Variants in ASIC3 observed in about 807,000 individuals in gnomAD.
ASIC3 encodes the protein acid sensing ion channel subunit 3, also known as acid-sensing ion channel 3.
In ASIC3, 46 loss-of-function variants were observed where a neutral mutation model predicts 58.6. The ratio of observed to expected loss-of-function variants is 0.79; its 90% CI spans 0.62 to 1.00. The LOEUF (loss-of-function observed/expected upper bound fraction) is 1.00. Ranked by LOEUF, ASIC3 falls within the 50% of genes least tolerant of loss-of-function variation. The pLI is 0.00. For synonymous variants in ASIC3, 336 were observed against 300.2 expected (o/e 1.12, Z -1.23); for missense variants, 770 against 735.0 (o/e 1.05, Z -0.55).
rs762479306 is a variant in ASIC3 at position 151,052,488 on chromosome 7, G to A, written c.1517+14G>A. ...CCTGGGCCCCAGGTAACACATAATG[G>A]CCCCCTAAAATCAAGGGAGGGCAGG... On this transcript the variant is annotated intron_variant, in intron 10 of 10. Transcript: ENST00000349064. The surrounding 1 kb of genome is among the most constrained non-coding windows in gnomAD (Gnocchi z 5.0). The A allele has an allele frequency of 1.4e-4, 220 of 1,613,868 alleles. No homozygotes were observed. The highest frequency in any genetic ancestry group is 1.8e-4 in the Non-Finnish European group (214 of 1,179,978).
chr7:151,050,231 A>ATATC lies in ASIC3; in HGVS notation c.663_666dup (p.Pro223SerfsTer8). 1 of 1,613,916 alleles carries ATATC rather than the reference A, an allele frequency of 6.2e-7. No homozygotes were observed. The highest frequency in any genetic ancestry group is 2.2e-5 in the East Asian group (1 of 44,868). On this transcript the variant is annotated frameshift_variant, in exon 2 of 11. Coordinates refer to ENST00000349064, the MANE Select transcript of ASIC3 (RefSeq NM_004769.4). LOFTEE classifies it high-confidence loss of function. ...TCATGCTGGACGTGCAGCAGGAGGAATATCTACCTGTGTGGAGGGACAATG... is the reference window on the plus strand; with the variant it reads ...TCATGCTGGACGTGCAGCAGGAGGAATATCTATCTACCTGTGTGGAGGGACAATG...
chr7:151,051,749 C>G (rs1011512692), intron 6 of ASIC3, 61 bp from the exon 7 acceptor site: 3 of 1,555,406 alleles, frequency 1.9e-6, no homozygotes, highest in Non-Finnish European at 2.6e-6. Context: ...ACAGCTGCTT[C>G]TTGCCAGCAG....
intron 6 of ASIC3, 51 bp from the exon 7 acceptor site, chr7:151,051,759 G>A (rs756627669): frequency 1.3e-6 from 2 of 1,586,708 alleles, no homozygotes; most frequent in African/African-American, 1.3e-5. Context: ...CTTGCCAGCA[G>A]TGGGCACCAG....
chr7:151,048,609 A>C lies in ASIC3; in HGVS notation c.-277A>C. 1 of 444,048 alleles carries C rather than the reference A, an allele frequency of 2.3e-6. No homozygotes were observed. Among genetic ancestry groups the C allele is most frequent in the South Asian group, 6.3e-5 (1 of 15,872 alleles). 27.5% of individuals were successfully genotyped at this position (444,048 alleles called of 1,614,324 possible). ...TGCCTGCCACGGTCAGCTACGTCCC[A>C]CCTGGTCTGCTGCGGAGTCCCCAGC... On this transcript the variant is annotated 5_prime_UTR_variant, in exon 1 of 11. Coordinates refer to ENST00000349064, the MANE Select transcript of ASIC3 (RefSeq NM_004769.4).
Position 151,048,705 on chromosome 7 carries a change from A to T in ASIC3, c.-181A>T, listed in dbSNP as rs1242335652. 2 of 717,510 alleles carry T rather than the reference A, an allele frequency of 2.8e-6. No homozygotes were observed. The highest frequency in any genetic ancestry group is 2.7e-5 in the Admixed American group (1 of 36,884). The allele number at this position is 717,510 out of a possible 1,614,324, so 44.4% of individuals were successfully genotyped here. On this transcript the variant is annotated 5_prime_UTR_variant, in exon 1 of 11. Transcript: ENST00000349064. ...ACAGTGGGACCTGACCGGCCAGATC[A>T]CCTCCTCCAATCCTGCCAGGCTAGT...
upstream of ASIC3, chr7:151,048,399 G>T: frequency 6.2e-6 from 1 of 160,954 alleles, no homozygotes; most frequent in Non-Finnish European, 1.3e-5. Context: ...TTTCCTCCTG[G>T]CGCCTCTCGT....
intron 6 of ASIC3, 37 bp downstream of exon 6, chr7:151,051,356 G>A: frequency 6.9e-7 from 1 of 1,440,638 alleles, no homozygotes; most frequent in Non-Finnish European, 9.0e-7. Flanking sequence ...CTCCGAGCCG[G>A]GGGCTCCCGA....
In ASIC3 at chr7:151,050,528, G is replaced by A. The variant is rs764943608; in HGVS notation, c.733G>A (p.Glu245Lys). 2 of 1,614,018 alleles carry A rather than the reference G, an allele frequency of 1.2e-6. No individual in the cohort carries two copies. Among genetic ancestry groups the A allele is most frequent in the Admixed American group, 1.7e-5 (1 of 60,022 alleles). The change falls in exon 3 of 11, where the codon GAG (glutamate) becomes AAG (lysine). Residue 245 changes from glutamate (E) to lysine (K), a missense_variant. Glu to Lys is a moderately conservative substitution (Grantham distance 56). Transcript: ENST00000349064. ...VGIRVQIHSQEEPPIIDQLGL... is the reference protein window; with the variant it reads ...VGIRVQIHSQKEPPIIDQLGL... ...GATCCGAGTGCAGATCCACAGCCAG[G>A]AGGAGCCGCCCATCATCGATCAGCT...
At position 151,052,503 on chromosome 7, in the gene ASIC3, G is replaced by A; in HGVS notation, c.1517+29G>A. 2 of 1,613,910 alleles carry A rather than the reference G, an allele frequency of 1.2e-6. No individual in the cohort carries two copies. The highest frequency in any genetic ancestry group is 8.5e-7 in the Non-Finnish European group (1 of 1,179,928). On this transcript the variant is annotated intron_variant, in intron 10 of 10. Transcript: ENST00000349064. The surrounding 1 kb of genome is among the most constrained non-coding windows in gnomAD (Gnocchi z 5.0). ...ACACATAATGGCCCCCTAAAATCAA[G>A]GGAGGGCAGGGGCAGGCTCAGGACA...
chr7:151,048,829 G>A lies in ASIC3; in HGVS notation c.-57G>A, dbSNP rs1563315370. 5 of 1,510,402 alleles carry A rather than the reference G, an allele frequency of 3.3e-6. No homozygotes were observed. In the South Asian group the frequency reaches 6.6e-5, roughly 20 times the overall value. The allele number at this position is 1,510,402 out of a possible 1,614,324, so 93.6% of individuals were successfully genotyped here. A position where few individuals can be genotyped will look rare whatever the true frequency, so the allele number is the denominator to read the frequency against. On this transcript the variant is annotated 5_prime_UTR_variant, in exon 1 of 11. Coordinates refer to ENST00000349064, the MANE Select transcript of ASIC3 (RefSeq NM_004769.4). ...TCTTAGCCTCCTTAGCCCCCTGACT[G>A]ACTCTCTCTCGCTTCTTCCAAGCCT...
rs772364969 is a variant in ASIC3 at position 151,049,138 on chromosome 7, A to G, written c.253A>G (p.Ile85Val). The change falls in exon 1 of 11, where the codon ATC becomes GTC. Residue 85 changes from isoleucine (I) to valine (V), a missense_variant. Physicochemically the swap from Ile to Val is conservative, Grantham distance 29 (BLOSUM62 3). Transcript: ENST00000349064. ...ALDERESHRL[I>V]FPAVTLCNIN... The stretch of plus-strand genomic sequence containing the variant: ...GGATGAGCGAGAAAGCCACCGGCTC[A>G]TCTTCCCGGCTGTCACCCTGTGCAA... 6.2e-7 allele frequency: 1 copy of G among 1,613,872 alleles called. No homozygotes were observed. Among genetic ancestry groups the G allele is most frequent in the Non-Finnish European group, 8.5e-7 (1 of 1,179,904 alleles).
rs1796785095 is a variant in ASIC3 at position 151,051,706 on chromosome 7, C to CT, written c.1215-103dup. 3.2e-6 allele frequency: 4 copies of CT among 1,242,606 alleles called. No homozygotes were observed. In the Admixed American group the frequency reaches 7.0e-5, roughly 22 times the overall value. 77.0% of individuals were successfully genotyped at this position (1,242,606 alleles called of 1,614,324 possible). On this transcript the variant is annotated intron_variant, in intron 6 of 10. Coordinates refer to ENST00000349064, the MANE Select transcript of ASIC3 (RefSeq NM_004769.4). ...AGGTGTGAGCCACCGTGCCCGGCCT[C>CT]TCCCAGGGTTCTTGAAAGGAGTGGG...
Position 151,050,385 on chromosome 7 carries a change from C to T in ASIC3, c.686-96C>T, listed in dbSNP as rs1156921384. 2.5e-6 allele frequency: 4 copies of T among 1,572,142 alleles called. No individual in the cohort carries two copies. In the East Asian group the frequency reaches 6.8e-5, roughly 27 times the overall value. The stretch of plus-strand genomic sequence containing the variant: ...GTGAAAGGGGCTGGGCTGGCTCATC[C>T]CAGTCCTGGGGAGAGGGGCTGCAGT... On this transcript the variant is annotated intron_variant, in intron 2 of 10. Transcript: ENST00000349064.
Position 151,050,176 on chromosome 7 carries a change from C to G in ASIC3, c.605C>G (p.Thr202Ser), listed in dbSNP as rs1796733630. The G allele has an allele frequency of 1.2e-6, 2 of 1,614,062 alleles. No individual in the cohort carries two copies. Among genetic ancestry groups the G allele is most frequent in the Non-Finnish European group, 1.7e-6 (2 of 1,179,960 alleles). ...GATGGGGCAGAGCTGCTCACCACTA[C>G]TAGGGGTGGCATGGGCAATGGGCTG... ...GADGAELLTT[T>S]RGGMGNGLDI... The change falls in exon 2 of 11, where the codon ACT becomes AGT. Residue 202 changes from threonine to serine, a missense_variant. Thr to Ser is a moderately conservative substitution (Grantham distance 58, BLOSUM62 1). Coordinates refer to ENST00000349064, the MANE Select transcript of ASIC3 (RefSeq NM_004769.4).
Position 151,052,656 on chromosome 7 carries a change from T to A in ASIC3, c.*4T>A. ...CTACCTTGTCACACAGCTCTAGACC[T>A]GCTGTCTGTGTCCTCGGAGCCCCGC... On this transcript the variant is annotated 3_prime_UTR_variant, in exon 11 of 11. Coordinates refer to ENST00000349064, the MANE Select transcript of ASIC3 (RefSeq NM_004769.4). This position sits in a 1 kb window ranked among gnomAD's most constrained non-coding sequence, Gnocchi z 5.0. The A allele has an allele frequency of 6.2e-7, 1 of 1,613,950 alleles. No homozygotes were observed. The highest frequency in any genetic ancestry group is 1.3e-5 in the African/African-American group (1 of 74,968).
Position 151,051,812 on chromosome 7 carries a change from A to G in ASIC3, c.1217A>G (p.Glu406Gly). The G allele has an allele frequency of 6.2e-7, 1 of 1,613,204 alleles. No homozygotes were observed. Among genetic ancestry groups the G allele is most frequent in the Non-Finnish European group, 8.5e-7 (1 of 1,179,948 alleles). The change falls in exon 7 of 11, where the codon GAG becomes GGG. Residue 406 changes from glutamate to glycine, a missense_variant and splice_region_variant. Physicochemically the swap from Glu to Gly is moderately conservative, Grantham distance 98. Coordinates refer to ENST00000349064, the MANE Select transcript of ASIC3 (RefSeq NM_004769.4). ...KLNRSEAYIA[E>G]NVLALDIFFE... Reference sequence around the variant, plus strand: ...TTTGAGGCCATTCTTGTCCTCAGGGAGAACGTGCTGGCCCTGGACATCTTC... The same window carrying G: ...TTTGAGGCCATTCTTGTCCTCAGGGGGAACGTGCTGGCCCTGGACATCTTC...
rs550734437 is a variant in ASIC3, at chr7:151,048,785, C to T, written c.-101C>T. The T allele has an allele frequency of 2.2e-4, 313 of 1,411,688 alleles. 3 individuals carry two copies. In the South Asian group the frequency reaches 3.9e-3, roughly 18 times the overall value. The allele number at this position is 1,411,688 out of a possible 1,614,324, so 87.4% of individuals were successfully genotyped here. ...CCCACCCTCTCTTCTCCTCTCCTTG[C>T]CTGGCCTCCTGAATCCTATCTTAGC... On this transcript the variant is annotated 5_prime_UTR_variant, in exon 1 of 11. Transcript: ENST00000349064.
Position 151,052,672 on chromosome 7 carries a change from G to A in ASIC3, c.*20G>A, listed in dbSNP as rs767851914. 1.1e-5 allele frequency: 18 copies of A among 1,613,868 alleles called. No individual in the cohort carries two copies. The South Asian group carries it at 1.3e-4, about 12-fold the overall frequency. ...CTCTAGACCTGCTGTCTGTGTCCTC[G>A]GAGCCCCGCCCTGACATCCTGGACA... On this transcript the variant is annotated 3_prime_UTR_variant, in exon 11 of 11. Transcript: ENST00000349064. This position sits in a 1 kb window ranked among gnomAD's most constrained non-coding sequence, Gnocchi z 5.0.
rs759265724 is a variant in ASIC3 at position 151,052,446 on chromosome 7, C to CA, written c.1491dup (p.Val498SerfsTer67). 2 of 1,614,082 alleles carry CA rather than the reference C, an allele frequency of 1.2e-6. No homozygotes were observed. The highest frequency in any genetic ancestry group is 2.2e-5 in the South Asian group (2 of 91,086). ...GGAAGGGCTGGGCAGCCATCGAACCCAAGTTCCCCACCTCAGCCTGGGCCC... is the reference window on the plus strand; with the variant it reads ...GGAAGGGCTGGGCAGCCATCGAACCCAAAGTTCCCCACCTCAGCCTGGGCCC... On this transcript the variant is annotated frameshift_variant, in exon 10 of 11. Transcript: ENST00000349064. LOFTEE classifies it high-confidence loss of function. The surrounding 1 kb of genome is among the most constrained non-coding windows in gnomAD (Gnocchi z 5.0).
Sources: gnomAD v4.1 joint callset for allele counts on GRCh38, gnomAD v4.1.1 for gene constraint, Gnocchi (gnomAD v3.1) non-coding constraint, MANE v1.5 for transcripts, NCBI Gene and HGNC (gene_info 2026-07-23, HGNC 2026-07-21) for gene names.